The following NAV3 variants were observed in gnomAD, a reference collection of about 807,000 sequenced individuals.
NAV3 encodes the protein neuron navigator 3.
Under a neutral mutation model 244.7 loss-of-function variants are expected in NAV3, and 87 were observed. The ratio of observed to expected loss-of-function variants is 0.36; its 90% CI spans 0.30 to 0.42. The LOEUF is 0.42. Ranked by LOEUF, NAV3 falls within the 20% of genes least tolerant of loss-of-function variation. NAV3 has a pLI of 1.00. For missense variants in NAV3, 2,663 were observed against 2,893.3 expected, an observed-to-expected ratio of 0.92 and a Z score of 1.83; for synonymous variants, 1,126 against 1,042.2, an observed-to-expected ratio of 1.08 and a Z score of -1.55.
intron 3 of NAV3, among the ~76,000 whole-genome samples, chr12:77,946,117 T>C (rs1890319641): frequency 6.8e-6 from 1 of 147,682 alleles, no homozygotes; most frequent in Admixed American, 6.9e-5. Flanking sequence ...TATATATATA[T>C]ATATTGTGTA....
chr12:77,773,806 T>C (rs569913287), intron 2 of NAV3, among the ~76,000 whole-genome samples: 91 of 152,298 alleles, frequency 6.0e-4, no homozygotes, highest in African/African-American at 2.0e-3. Flanking sequence ...CTTAATTGTG[T>C]AATTACACTA....
At chr12:77,846,821 A>G (rs981543732) in intron 1 of NAV3, among the ~76,000 whole-genome samples, 1 of 152,144 alleles carries the variant, frequency 6.6e-6, no homozygotes, top group Admixed American at 6.5e-5. Flanking sequence ...TTTTTTTTCA[A>G]TGAGGTTCAA....
rs10437879 is a variant in NAV3 at position 78,040,126 on chromosome 12, T to A, written c.2024-9867T>A. ...ACTCAGATACAAATTTATAGGATAT[T>A]TAAGACCATGCAATCAGTCCTTAGG... On this transcript the variant is annotated intron_variant, in intron 9 of 39. Transcript: ENST00000397909. Among the ~76,000 whole-genome samples the A allele has an allele frequency of 8.6e-3, 1,316 of 152,284 alleles. 22 individuals carry two copies. Among genetic ancestry groups the A allele is most frequent in the African/African-American group, 0.03 (1,238 of 41,574 alleles).
At chr12:78,008,576 TC>T (rs1405997849) in intron 8 of NAV3, among the ~76,000 whole-genome samples, 1 of 152,142 alleles carries the variant, frequency 6.6e-6, no homozygotes, top group African/African-American at 2.4e-5. Flanking sequence ...TAAGAAAGGG[TC>T]AAAACTATAT....
At position 77,670,725 on chromosome 12, in the gene NAV3, C is replaced by G. The variant is rs1330459635; in HGVS notation, c.72+98459C>G. On this transcript the variant is annotated intron_variant, in intron 2 of 8. Transcript: ENST00000550042. ...CAATAGATGCAGAAAAAGCATTTGACAAAATCCAGCATCCCATTATGATTA... is the reference window on the plus strand; with the variant it reads ...CAATAGATGCAGAAAAAGCATTTGAGAAAATCCAGCATCCCATTATGATTA... Among the ~76,000 whole-genome samples the G allele has an allele frequency of 3.3e-5, 5 of 152,178 alleles. No homozygotes were observed. The South Asian group carries it at 8.3e-4, about 25-fold the overall frequency.
chr12:77,628,545 G>A (rs779118697), intron 2 of NAV3, among the ~76,000 whole-genome samples: 4 of 152,022 alleles, frequency 2.6e-5, no homozygotes, highest in Admixed American at 1.3e-4. Flanking sequence ...TATTAATTAC[G>A]TTATCTATTT....
intron 1 of NAV3, among the ~76,000 whole-genome samples, chr12:77,887,891 T>G: frequency 6.6e-6 from 1 of 152,236 alleles, no homozygotes; most frequent in Middle Eastern, 3.4e-3. Context: ...AATTTTTAAA[T>G]CATGTTATTG....
chr12:78,184,938 T>G (rs960385536), intron 30 of NAV3, among the ~76,000 whole-genome samples: 1 of 151,792 alleles, frequency 6.6e-6, no homozygotes, highest in Non-Finnish European at 1.5e-5. Context: ...TAATCACCAT[T>G]TAAAGGCTGA....
chr12:78,038,530 ATTGTTCAATT>A (rs1880309656), intron 9 of NAV3, among the ~76,000 whole-genome samples: 1 of 152,182 alleles, frequency 6.6e-6, no homozygotes. Flanking sequence ...AGAGGCAAAT[ATTGTTCAATT>A]TTTCATGTCA....
At chr12:78,042,721 G>A (rs1881083515) in intron 9 of NAV3, among the ~76,000 whole-genome samples, 1 of 152,138 alleles carries the variant, frequency 6.6e-6, no homozygotes, top group Non-Finnish European at 1.5e-5. Context: ...TTCCAGAGGT[G>A]GAGTTTGCAG....
In NAV3 at chr12:77,962,383, C is replaced by T. The variant is rs186696531; in HGVS notation, c.415-3846C>T. ...ATGTTTGATGGACCAGCCAACATGTCGAAAAAGAAACTTCCGACTTCCATT... is the reference window on the plus strand; with the variant it reads ...ATGTTTGATGGACCAGCCAACATGTTGAAAAAGAAACTTCCGACTTCCATT... On this transcript the variant is annotated intron_variant, in intron 3 of 39. Transcript: ENST00000397909. 1.4e-3 allele frequency among the ~76,000 whole-genome samples: 212 copies of T among 152,208 alleles called. 1 individual carries two copies. The highest frequency in any genetic ancestry group is 2.3e-3 in the Non-Finnish European group (154 of 67,984).
At position 77,998,469 on chromosome 12, in the gene NAV3, C is replaced by T. The variant is rs749903485; in HGVS notation, c.873C>T (p.Asn291=). 105 of 1,598,228 alleles carry T rather than the reference C, an allele frequency of 6.6e-5. 1 individual carries two copies. The highest frequency in any genetic ancestry group is 1.7e-4 in the Middle Eastern group (1 of 5,980). ...KNKPPNYANG[N]EKDSSKGPQS... Reference sequence around the variant, plus strand: ...AGCCTCCAAATTATGCAAATGGAAACGAAAAAGGTAAGTGTTTGTTACATC... The same window carrying T: ...AGCCTCCAAATTATGCAAATGGAAATGAAAAAGGTAAGTGTTTGTTACATC... The change falls in exon 7 of 40, where the codon AAC becomes AAT. Residue 291 remains asparagine (N), a synonymous_variant. Transcript: ENST00000397909.
At chr12:77,965,023 T>A (rs982215428) in intron 3 of NAV3, among the ~76,000 whole-genome samples, 7 of 152,172 alleles carry the variant, frequency 4.6e-5, no homozygotes, top group African/African-American at 1.7e-4. Flanking sequence ...GGGAGGACAT[T>A]GGCAGAACTC....
chr12:77,575,469 G>A (rs1869036640), intron 2 of NAV3, among the ~76,000 whole-genome samples: 1 of 151,992 alleles, frequency 6.6e-6, no homozygotes. Flanking sequence ...AATTATCGTG[G>A]CATCTCAAAC....
intron 28 of NAV3, among the ~76,000 whole-genome samples, chr12:78,178,000 T>C (rs544279259): frequency 0.12 from 14,335 of 120,198 alleles, 860 homozygotes; most frequent in Non-Finnish European, 0.18. Flanking sequence ...AAGCCCTATG[T>C]ATATTATGTT....
intron 2 of NAV3, among the ~76,000 whole-genome samples, chr12:77,666,329 TGCCTTGTACATA>T (rs1367355438): frequency 5.3e-5 from 8 of 152,098 alleles, no homozygotes; most frequent in African/African-American, 1.9e-4. Flanking sequence ...TGAAACCAAA[TGCCTTGTACATA>T]GTAGACATGC....
chr12:78,098,271 T>C (rs1314792939), intron 12 of NAV3, among the ~76,000 whole-genome samples: 1 of 152,060 alleles, frequency 6.6e-6, no homozygotes, highest in Non-Finnish European at 1.5e-5. Flanking sequence ...AAAATGTTTT[T>C]AAAAGGCTTG....
chr12:77,985,957 G>A (rs953409862), intron 5 of NAV3, among the ~76,000 whole-genome samples: 29 of 152,050 alleles, frequency 1.9e-4, no homozygotes, highest in African/African-American at 2.9e-4. Context: ...TATTTCTTCC[G>A]AAATTAAATT....
At chr12:78,174,407 C>T (rs973480661) in intron 24 of NAV3, among the ~76,000 whole-genome samples, 4 of 151,816 alleles carry the variant, frequency 2.6e-5, no homozygotes, top group Admixed American at 6.6e-5. Context: ...GCGTACATGG[C>T]TTTTAACACA....
Sources: allele counts gnomAD v4.1 joint callset (sites outside exome capture counted in the v4.1 genomes callset), GRCh38; gene constraint gnomAD v4.1.1; transcripts MANE v1.5; gene names NCBI Gene and HGNC (gene_info 2026-07-23, HGNC 2026-07-21).